Variants in CNOT2 observed in about 807,000 individuals in gnomAD.
CNOT2 encodes the protein CC chemokine receptor 4-negative regulator of transcription 2.
In CNOT2, 7 loss-of-function variants were observed where a neutral mutation model predicts 72.1. That is an observed-to-expected ratio of 0.10 (90% CI 0.06 to 0.18). The LOEUF is 0.18. CNOT2 is among the 10% of genes least tolerant of loss of function. CNOT2 has a pLI of 1.00. For synonymous variants in CNOT2, 196 were observed against 225.6 expected (o/e 0.87, Z 1.17); for missense variants, 345 against 660.3 (o/e 0.52, Z 5.23).
intron 15 of CNOT2, among the ~76,000 whole-genome samples, chr12:70,346,991 T>G (rs1215820016): frequency 3.9e-5 from 6 of 152,216 alleles, no homozygotes; most frequent in Non-Finnish European, 5.9e-5. Flanking sequence ...GAGAATATAT[T>G]ATTCTCTACA....
intron 15 of CNOT2, among the ~76,000 whole-genome samples, chr12:70,347,226 T>G (rs963599714): frequency 6.6e-6 from 1 of 152,168 alleles, no homozygotes; most frequent in Admixed American, 6.5e-5. Context: ...GTTTGTAGTT[T>G]TGAATCTGCT....
intron 4 of CNOT2, among the ~76,000 whole-genome samples, chr12:70,327,356 A>C (rs989660995): frequency 8.6e-5 from 13 of 151,940 alleles, no homozygotes; most frequent in Admixed American, 4.6e-4. Flanking sequence ...AAGCAGGGGG[A>C]AAATACATTA....
chr12:70,265,149 C>CA (rs542575748), intron 1 of CNOT2, among the ~76,000 whole-genome samples: 78 of 152,060 alleles, frequency 5.1e-4, no homozygotes, highest in Admixed American at 1.9e-3. Flanking sequence ...AGTAATGCCT[C>CA]AAAAATGACT....
intron 5 of CNOT2, 78 bp from the exon 6 acceptor site, chr12:70,330,209 G>A: frequency 1.5e-6 from 1 of 651,600 alleles, no homozygotes; most frequent in Non-Finnish European, 2.6e-6. Flanking sequence ...TTCTAGGGTT[G>A]GACCAATTGA....
At chr12:70,341,177 C>A (rs1263034798) in intron 11 of CNOT2, among the ~76,000 whole-genome samples, 2 of 152,016 alleles carry the variant, frequency 1.3e-5, no homozygotes, top group Non-Finnish European at 2.9e-5. Context: ...TGAGCCACCG[C>A]GCTTGACCAG....
intron 1 of CNOT2, among the ~76,000 whole-genome samples, chr12:70,265,975 A>T (rs1342266750): frequency 6.6e-6 from 1 of 151,014 alleles, no homozygotes; most frequent in African/African-American, 2.4e-5. Context: ...ATAGTCAGAA[A>T]ATATTTGTAT....
At position 70,311,017 on chromosome 12, in the gene CNOT2, T is replaced by C. The variant is rs1876362143; in HGVS notation, c.171T>C (p.Asp57=). ...TGTTTCCACATCGGTCAGAAAAAGA[T>C]GTAAGTTAATCAATTATGTTGTATT... ...SSMFPHRSEK[D]MLASPSTSGQ... is the part of the protein sequence containing the mutation. The change falls in exon 3 of 16, where the codon GAT becomes GAC. Residue 57 remains aspartate (D), a splice_region_variant and synonymous_variant. Transcript: ENST00000229195. 1.3e-6 allele frequency: 2 copies of C among 1,594,664 alleles called. No homozygotes were observed. The highest frequency in any genetic ancestry group is 1.3e-5 in the African/African-American group (1 of 74,396).
At chr12:70,281,986 C>T (rs1869946406) in intron 2 of CNOT2, among the ~76,000 whole-genome samples, 1 of 151,022 alleles carries the variant, frequency 6.6e-6, no homozygotes, top group South Asian at 2.1e-4. Flanking sequence ...TGCAGAAAAT[C>T]GTATTAGATA....
intron 8 of CNOT2, 26 bp downstream of exon 8, chr12:70,335,589 A>G: frequency 6.3e-7 from 1 of 1,587,806 alleles, no homozygotes; most frequent in Non-Finnish European, 8.6e-7. Context: ...AATGATGGCC[A>G]GTAGAAAGTT....
At chr12:70,297,266 A>G (rs1872968356) in intron 2 of CNOT2, among the ~76,000 whole-genome samples, 1 of 152,212 alleles carries the variant, frequency 6.6e-6, no homozygotes, top group Non-Finnish European at 1.5e-5. Flanking sequence ...TGCCTGAGAA[A>G]CACTTTTTCC....
Position 70,353,913 on chromosome 12 carries a change from TAAAAAAAAA to T in CNOT2, c.*15_*23del, listed in dbSNP as rs35192504. 2.7e-5 allele frequency: 35 copies of T among 1,275,464 alleles called. No individual in the cohort carries two copies. The highest frequency in any genetic ancestry group is 6.2e-5 in the East Asian group (2 of 32,360). 79.0% of individuals were successfully genotyped at this position (1,275,464 alleles called of 1,614,324 possible). A position where few individuals can be genotyped will look rare whatever the true frequency, so the allele number is the denominator to read the frequency against. On this transcript the variant is annotated stop_retained_variant and 3_prime_UTR_variant, in exon 16 of 16. Coordinates refer to ENST00000229195, the MANE Select transcript of CNOT2 (RefSeq NM_014515.7). ...CTACAACCCTGCTCAGCAAGCCTTC[TAAAAAAAAA>T]AAAAAAAAAAAAAAAAGACTTCCCT...
intron 1 of CNOT2, among the ~76,000 whole-genome samples, chr12:70,266,616 G>T (rs1460072316): frequency 6.6e-6 from 1 of 152,104 alleles, no homozygotes; most frequent in Non-Finnish European, 1.5e-5. Context: ...TTAACTTGAA[G>T]CTCTGTTGTA....
intron 2 of CNOT2, among the ~76,000 whole-genome samples, chr12:70,306,792 C>T (rs1212687098): frequency 6.6e-6 from 1 of 152,164 alleles, no homozygotes; most frequent in African/African-American, 2.4e-5. Flanking sequence ...ATAGTTTAAA[C>T]TACAGCCATA....
In CNOT2 at chr12:70,329,702, A is replaced by G. The variant is rs1161312248; in HGVS notation, c.386+132A>G. ...CCTTTCACTGAGGAAGAAAATACCT[A>G]TGCTCTTTTTATTTCAGTGCAAATT... On this transcript the variant is annotated intron_variant, in intron 5 of 15. Transcript: ENST00000229195. 9 of 668,194 alleles carry G rather than the reference A, an allele frequency of 1.3e-5. No individual in the cohort carries two copies. The Admixed American group carries it at 1.4e-4, about 11-fold the overall frequency. The allele number at this position is 668,194 out of a possible 1,614,324, so 41.4% of individuals were successfully genotyped here.
Position 70,310,260 on chromosome 12 carries a change from A to G in CNOT2, c.49-635A>G, listed in dbSNP as rs188440266. On this transcript the variant is annotated intron_variant, in intron 2 of 15. Coordinates refer to ENST00000229195, the MANE Select transcript of CNOT2 (RefSeq NM_014515.7). Reference sequence around the variant, plus strand: ...AACAATTTATGTTGGTGTGAGCTCAAAATTGCTAATGTTGGATGTTACAAA... The same window carrying G: ...AACAATTTATGTTGGTGTGAGCTCAGAATTGCTAATGTTGGATGTTACAAA... Among the ~76,000 whole-genome samples, 30 of 152,196 alleles carry G rather than the reference A, an allele frequency of 2.0e-4. No individual in the cohort carries two copies. The East Asian group carries it at 5.8e-3, about 29-fold the overall frequency.
intron 2 of CNOT2, among the ~76,000 whole-genome samples, chr12:70,288,451 G>C (rs1211323986): frequency 2.0e-5 from 3 of 152,084 alleles, no homozygotes; most frequent in Admixed American, 1.3e-4. Context: ...CTCTCAGCCA[G>C]GGTGTAACAT....
At chr12:70,244,032 T>G (rs138027607) in intron 1 of CNOT2, 2 of 152,226 alleles carry the variant, frequency 1.3e-5, no homozygotes, top group Non-Finnish European at 2.9e-5. Flanking sequence ...CTGCCAGTTA[T>G]GTGTATTTCT....
chr12:70,336,585 G>A (rs887478218), intron 8 of CNOT2: 1 of 151,696 alleles, frequency 6.6e-6, no homozygotes, highest in Non-Finnish European at 1.5e-5. Context: ...AGTATATGAA[G>A]AAGGGAAACA....
At chr12:70,324,098 A>G (rs59579106) in intron 4 of CNOT2, 5 of 151,810 alleles carry the variant, frequency 3.3e-5, no homozygotes, top group Non-Finnish European at 1.5e-5. Context: ...AAGAGTAACT[A>G]TGTGAACATG....
Sources: allele counts gnomAD v4.1 joint callset (sites outside exome capture counted in the v4.1 genomes callset), GRCh38; gene constraint gnomAD v4.1.1; transcripts MANE v1.5; gene names NCBI Gene and HGNC (gene_info 2026-07-23, HGNC 2026-07-21).